HS3ST4: variants seen among roughly 807,000 people sequenced by gnomAD.
HS3ST4 encodes heparan sulfate glucosamine 3-O-sulfotransferase 4.
A neutral mutation model predicts 29.2 loss-of-function variants in HS3ST4; 17 were observed. The observed-to-expected ratio is 0.58, with a 90% CI of 0.40 to 0.87. HS3ST4 has a LOEUF of 0.87. Ranked by LOEUF, HS3ST4 falls within the 40% of genes least tolerant of loss-of-function variation. The pLI is 0.00. For synonymous variants in HS3ST4, 314 were observed against 285.7 expected, an observed-to-expected ratio of 1.10 and a Z score of -1.00; for missense variants, 627 against 634.5, an observed-to-expected ratio of 0.99 and a Z score of 0.13.
intron 1 of HS3ST4, among the ~76,000 whole-genome samples, chr16:25,849,316 A>G (rs1967495262): frequency 6.6e-6 from 1 of 152,212 alleles, no homozygotes. Context: ...GTATACATGA[A>G]CATATCTGTG....
At chr16:25,779,151 C>T (rs1966850465) in intron 1 of HS3ST4, among the ~76,000 whole-genome samples, 1 of 152,194 alleles carries the variant, frequency 6.6e-6, no homozygotes, top group Non-Finnish European at 1.5e-5. Context: ...TAAGTGCACT[C>T]CTGGGACTGT....
intron 1 of HS3ST4, among the ~76,000 whole-genome samples, chr16:25,836,747 T>A (rs1967360085): frequency 6.6e-6 from 1 of 152,194 alleles, no homozygotes; most frequent in South Asian, 2.1e-4. Context: ...ACTATAAATG[T>A]TAAATTACAA....
intron 1 of HS3ST4, among the ~76,000 whole-genome samples, chr16:26,094,805 A>G (rs8060902): frequency 0.54 from 82,069 of 152,010 alleles, 22,901 homozygotes; most frequent in African/African-American, 0.67. Context: ...CCCCAATTAA[A>G]AGACACAAAC....
Position 25,859,423 on chromosome 16 carries a change from G to T in HS3ST4, c.734+166272G>T, listed in dbSNP as rs968829219. Among the ~76,000 whole-genome samples the T allele has an allele frequency of 1.3e-5, 2 of 152,158 alleles. 1 individual carries two copies. Among genetic ancestry groups the T allele is most frequent in the South Asian group, 4.1e-4 (2 of 4,822 alleles). ...GAGGTAAGTAATTCACCTAATAAGT[G>T]CAGGGCCAGAACTTAAAATCAGTTT... On this transcript the variant is annotated intron_variant, in intron 1 of 1. Coordinates refer to ENST00000331351, the MANE Select transcript of HS3ST4 (RefSeq NM_006040.3).
At chr16:25,965,261 C>T (rs4640186) in intron 1 of HS3ST4, among the ~76,000 whole-genome samples, 16,166 of 151,818 alleles carry the variant, frequency 0.11, 1,002 homozygotes, top group Middle Eastern at 0.19. Flanking sequence ...AAGGCAAGTC[C>T]ACTCATGAAG....
intron 1 of HS3ST4, among the ~76,000 whole-genome samples, chr16:25,817,550 A>G (rs756012211): frequency 2.0e-5 from 3 of 152,214 alleles, no homozygotes; most frequent in Non-Finnish European, 4.4e-5. Context: ...TACTTGACTC[A>G]CGGCTGTACT....
chr16:26,116,219 C>T (rs1285953879), intron 1 of HS3ST4, among the ~76,000 whole-genome samples: 2 of 152,180 alleles, frequency 1.3e-5, no homozygotes, highest in Non-Finnish European at 2.9e-5. Flanking sequence ...GCCCTCAGTT[C>T]CTTGACAAGT....
At chr16:25,924,895 A>G (rs1349024830) in intron 1 of HS3ST4, among the ~76,000 whole-genome samples, 1 of 152,058 alleles carries the variant, frequency 6.6e-6, no homozygotes, top group Non-Finnish European at 1.5e-5. Context: ...TTACATTGTG[A>G]TTTGGGCTAG....
At chr16:26,060,932 G>T (rs778456370) in intron 1 of HS3ST4, among the ~76,000 whole-genome samples, 24 of 152,148 alleles carry the variant, frequency 1.6e-4, no homozygotes, top group Non-Finnish European at 3.1e-4. Context: ...ACATACTGAG[G>T]TTTTTCACTC....
At chr16:26,124,052 C>T (rs1182727705) in intron 1 of HS3ST4, among the ~76,000 whole-genome samples, 1 of 152,100 alleles carries the variant, frequency 6.6e-6, no homozygotes, top group Non-Finnish European at 1.5e-5. Flanking sequence ...TCCCGAGTAG[C>T]TGGGATTACA....
chr16:25,978,493 GGCCATA>G (rs1431086183), intron 1 of HS3ST4, among the ~76,000 whole-genome samples: 19 of 152,358 alleles, frequency 1.2e-4, no homozygotes, highest in Admixed American at 1.0e-3. Flanking sequence ...TTTGGCCAGG[GGCCATA>G]GCTCACCAAC....
rs572176986 is a variant in HS3ST4 at position 25,838,161 on chromosome 16, A to C, written c.734+145010A>C. On this transcript the variant is annotated intron_variant, in intron 1 of 1. Coordinates refer to ENST00000331351, the MANE Select transcript of HS3ST4 (RefSeq NM_006040.3). Reference sequence around the variant, plus strand: ...GCTAAACAGGAATACTAATAGAGAAATATGCTGGAATCGTGTATCCTACTT... The same window carrying C: ...GCTAAACAGGAATACTAATAGAGAACTATGCTGGAATCGTGTATCCTACTT... 7.9e-5 allele frequency among the ~76,000 whole-genome samples: 12 copies of C among 152,362 alleles called. No homozygotes were observed. The South Asian group carries it at 2.5e-3, about 32-fold the overall frequency.
chr16:25,781,451 C>T (rs1046722427), intron 1 of HS3ST4, among the ~76,000 whole-genome samples: 8 of 152,162 alleles, frequency 5.3e-5, no homozygotes, highest in African/African-American at 1.9e-4. Context: ...TCATTTTCAT[C>T]CTCTTTCTAC....
intron 1 of HS3ST4, among the ~76,000 whole-genome samples, chr16:25,746,942 G>A (rs1000057801): frequency 2.0e-5 from 3 of 152,208 alleles, no homozygotes; most frequent in African/African-American, 7.2e-5. Context: ...TGGAACTCCA[G>A]GGCTCAAGCA....
At chr16:25,732,921 G>A (rs77368406) in intron 1 of HS3ST4, among the ~76,000 whole-genome samples, 8,011 of 152,128 alleles carry the variant, frequency 0.053, 506 homozygotes, top group East Asian at 0.23. Context: ...CCTGTGCCTA[G>A]CCCTGCTACA....
At chr16:25,702,373 A>G (rs962540156) in intron 1 of HS3ST4, among the ~76,000 whole-genome samples, 2 of 152,222 alleles carry the variant, frequency 1.3e-5, no homozygotes, top group African/African-American at 4.8e-5. Context: ...TACTGTGTGT[A>G]TAGAACCAAC....
chr16:25,868,836 G>C (rs1967721156), intron 1 of HS3ST4, among the ~76,000 whole-genome samples: 1 of 152,174 alleles, frequency 6.6e-6, no homozygotes, highest in Non-Finnish European at 1.5e-5. Flanking sequence ...CATCTTCTCT[G>C]TAAGAGAAAA....
intron 1 of HS3ST4, among the ~76,000 whole-genome samples, chr16:25,760,852 A>G (rs970358077): frequency 6.6e-6 from 1 of 152,226 alleles, no homozygotes; most frequent in Non-Finnish European, 1.5e-5. Context: ...TCAGCCCATA[A>G]CAGTGACCTC....
At chr16:25,782,253 C>G (rs1486988086) in intron 1 of HS3ST4, among the ~76,000 whole-genome samples, 1 of 152,190 alleles carries the variant, frequency 6.6e-6, no homozygotes, top group East Asian at 1.9e-4. Context: ...TCCCTTAACA[C>G]CTGGGGATTA....
Sources: allele counts gnomAD v4.1 joint callset (sites outside exome capture counted in the v4.1 genomes callset), GRCh38; gene constraint gnomAD v4.1.1; transcripts MANE v1.5; gene names NCBI Gene and HGNC (gene_info 2026-07-23, HGNC 2026-07-21).